IL1RAPL2: variants seen among roughly 807,000 people sequenced by gnomAD.
The protein encoded by IL1RAPL2 is interleukin 1 receptor accessory protein like 2.
Under a neutral mutation model 44.1 loss-of-function variants are expected in IL1RAPL2, and 3 were observed. The ratio of observed to expected loss-of-function variants is 0.07; its 90% confidence interval spans 0.03 to 0.18. The LOEUF is 0.18. IL1RAPL2 is among the 10% of genes least tolerant of loss of function. The pLI is 1.00. For missense variants in IL1RAPL2, 391 were observed against 496.4 expected (o/e 0.79, Z 2.02); for synonymous variants, 181 against 178.8 (o/e 1.01, Z -0.10).
chrX:105,515,888 G>A (rs939722690), intron 6 of IL1RAPL2, among the ~76,000 whole-genome samples: 1 of 111,301 alleles, frequency 9.0e-6, no homozygotes, highest in African/African-American at 3.3e-5. Flanking sequence ...AGAAAATACT[G>A]TATAAACCTG....
chrX:105,063,743 C>T (rs2032102776), intron 2 of IL1RAPL2, among the ~76,000 whole-genome samples: 1 of 112,152 alleles, frequency 8.9e-6, no homozygotes, highest in South Asian at 3.7e-4. Context: ...TAAGCCATAC[C>T]TGCATTAGGT....
At chrX:104,792,090 A>G (rs913391428) in intron 2 of IL1RAPL2, among the ~76,000 whole-genome samples, 1 of 110,080 alleles carries the variant, frequency 9.1e-6, no homozygotes, top group Non-Finnish European at 1.9e-5. Flanking sequence ...TTGAGATTTT[A>G]CTCAAACCTT....
intron 2 of IL1RAPL2, among the ~76,000 whole-genome samples, chrX:104,693,499 A>G (rs187382159): frequency 8.9e-6 from 1 of 111,818 alleles, no homozygotes; most frequent in Admixed American, 9.5e-5. Context: ...CTTGTCAAGC[A>G]CTGGCCAGTA....
At position 105,179,732 on chromosome X, in the gene IL1RAPL2, A is replaced by ATT. The variant is rs201089322; in HGVS notation, c.83-15731_83-15730dup. Among the ~76,000 whole-genome samples, 356 of 84,485 alleles carry ATT rather than the reference A, an allele frequency of 4.2e-3. 4 individuals are homozygous for ATT. Among genetic ancestry groups the ATT allele is most frequent in the African/African-American group, 0.015 (337 of 23,218 alleles). 73.4% of individuals were successfully genotyped at this position (84,485 alleles called of 115,157 possible). A position where few individuals can be genotyped will look rare whatever the true frequency, so the allele number is the denominator to read the frequency against. ...TCCTTGTTTAAATTTATTCCTAGGT[A>ATT]TTTTTTTTTTTTTGTAAATATAGTG... On this transcript the variant is annotated intron_variant, in intron 2 of 10. Coordinates refer to ENST00000372582, the MANE Select transcript of IL1RAPL2 (RefSeq NM_017416.2).
intron 2 of IL1RAPL2, among the ~76,000 whole-genome samples, chrX:104,988,144 C>T (rs2030596737): frequency 8.9e-6 from 1 of 112,187 alleles, no homozygotes; most frequent in Admixed American, 9.5e-5. Context: ...TGCTGTGGTG[C>T]AGAGACATTT....
chrX:105,326,075 C>T (rs966408339), intron 5 of IL1RAPL2, among the ~76,000 whole-genome samples: 1 of 111,321 alleles, frequency 9.0e-6, no homozygotes, highest in Admixed American at 9.6e-5. Context: ...TTTTTAGATA[C>T]AGGATCTCAC....
At chrX:105,442,065 A>T (rs748915831) in intron 5 of IL1RAPL2, among the ~76,000 whole-genome samples, 12 of 108,868 alleles carry the variant, frequency 1.1e-4, no homozygotes, top group East Asian at 8.6e-4. Flanking sequence ...ATTTTATTTT[A>T]TTTTTTTTGG....
chrX:104,576,979 T>A (rs1256871282), intron 1 of IL1RAPL2, among the ~76,000 whole-genome samples: 2 of 112,264 alleles, frequency 1.8e-5, no homozygotes, highest in East Asian at 5.6e-4. Flanking sequence ...CTGTTTCCCA[T>A]GGTAGTTATT....
chrX:104,950,683 TTTTG>T (rs200154611), intron 2 of IL1RAPL2, among the ~76,000 whole-genome samples: 10,976 of 107,143 alleles, frequency 0.1, 573 homozygotes, highest in Non-Finnish European at 0.15. Flanking sequence ...GTGAGCTGTT[TTTTG>T]TTTGTTTGTT....
chrX:105,095,691 C>T (rs1015743151), intron 2 of IL1RAPL2, among the ~76,000 whole-genome samples: 16 of 111,626 alleles, frequency 1.4e-4, no homozygotes, highest in South Asian at 3.7e-4. Flanking sequence ...TATACAAAAA[C>T]GTAAACTAGC....
chrX:105,033,161 G>T (rs764203615), intron 2 of IL1RAPL2, among the ~76,000 whole-genome samples: 31 of 111,401 alleles, frequency 2.8e-4, no homozygotes, highest in East Asian at 5.7e-4. Context: ...TACTGATGGG[G>T]CTTGACTCTT....
chrX:105,624,571 T>A (rs2037440850), intron 6 of IL1RAPL2, among the ~76,000 whole-genome samples: 1 of 111,697 alleles, frequency 9.0e-6, no homozygotes, highest in Non-Finnish European at 1.9e-5. Context: ...ACATAAGTAT[T>A]GAAGAAAAGG....
At chrX:105,034,934 G>A in intron 2 of IL1RAPL2, among the ~76,000 whole-genome samples, 1 of 36 alleles carries the variant, frequency 0.028, no homozygotes. Flanking sequence ...ATCAAGCCTG[G>A]GCAATGCGGG....
intron 5 of IL1RAPL2, among the ~76,000 whole-genome samples, chrX:105,444,258 G>A (rs1208959933): frequency 9.0e-6 from 1 of 111,621 alleles, no homozygotes; most frequent in African/African-American, 3.3e-5. Flanking sequence ...TGTCAGATGG[G>A]TAATTTGCAA....
intron 5 of IL1RAPL2, among the ~76,000 whole-genome samples, chrX:105,279,497 T>C (rs2034513130): frequency 9.0e-6 from 1 of 111,542 alleles, no homozygotes; most frequent in Admixed American, 9.5e-5. Flanking sequence ...TTTGTTTTGT[T>C]TGAGATGGAG....
intron 1 of IL1RAPL2, among the ~76,000 whole-genome samples, chrX:104,632,592 C>T (rs1184370749): frequency 9.3e-5 from 10 of 107,341 alleles, no homozygotes; most frequent in African/African-American, 3.0e-4. Flanking sequence ...GTATTTTATT[C>T]TCTTTGAAGC....
At chrX:105,558,941 G>A (rs995180010) in intron 6 of IL1RAPL2, among the ~76,000 whole-genome samples, 1 of 111,359 alleles carries the variant, frequency 9.0e-6, no homozygotes, top group Non-Finnish European at 1.9e-5. Flanking sequence ...TCATTCCCTT[G>A]GCATAGATTC....
intron 2 of IL1RAPL2, among the ~76,000 whole-genome samples, chrX:104,845,414 A>G (rs1411365134): frequency 8.9e-6 from 1 of 112,427 alleles, no homozygotes; most frequent in Non-Finnish European, 1.9e-5. Context: ...TTATTTGGGA[A>G]TAGAAATTGC....
intron 2 of IL1RAPL2, among the ~76,000 whole-genome samples, chrX:104,687,709 CCTTAT>C (rs1430739838): frequency 9.0e-6 from 1 of 111,129 alleles, no homozygotes; most frequent in Non-Finnish European, 1.9e-5. Context: ...TTTGCCCTGG[CCTTAT>C]CTTGTCCTTA....
Sources: allele counts gnomAD v4.1 joint callset (sites outside exome capture counted in the v4.1 genomes callset), GRCh38; gene constraint gnomAD v4.1.1; transcripts MANE v1.5; gene names NCBI Gene and HGNC (gene_info 2026-07-23, HGNC 2026-07-21).